The following FRMD5 variants were observed in gnomAD, a reference collection of about 807,000 sequenced individuals.
FRMD5 encodes the protein FERM domain-containing protein 5.
A neutral mutation model predicts 69.0 loss-of-function variants in FRMD5; 20 were observed. That is an observed-to-expected ratio of 0.29 (90% CI 0.20 to 0.42). The LOEUF is 0.42. Among genes scored for constraint, FRMD5 ranks in the 10% least tolerant of loss-of-function variants. FRMD5 has a pLI of 1.00. For missense variants in FRMD5, 595 were observed against 708.6 expected, an observed-to-expected ratio of 0.84 and a Z score of 1.82; for synonymous variants, 271 against 260.1, an observed-to-expected ratio of 1.04 and a Z score of -0.40.
chr15:43,981,692 T>A (rs939209614), intron 1 of FRMD5, among the ~76,000 whole-genome samples: 17 of 152,372 alleles, frequency 1.1e-4, no homozygotes, highest in African/African-American at 3.8e-4. Flanking sequence ...CATTCTTGAA[T>A]AATTAGAAAC....
intron 1 of FRMD5, among the ~76,000 whole-genome samples, chr15:44,088,832 A>G (rs191932257): frequency 6.6e-4 from 101 of 152,338 alleles, no homozygotes; most frequent in African/African-American, 2.4e-3. Flanking sequence ...CCAAAGGCAC[A>G]CAGCCAGTGA....
intron 1 of FRMD5, among the ~76,000 whole-genome samples, chr15:44,070,395 G>T (rs1893491849): frequency 6.6e-6 from 1 of 150,826 alleles, no homozygotes; most frequent in Non-Finnish European, 1.5e-5. Context: ...GTTCCAGAAT[G>T]CTTGAACAAA....
intron 1 of FRMD5, among the ~76,000 whole-genome samples, chr15:44,092,447 G>A (rs893435251): frequency 5.9e-5 from 9 of 152,176 alleles, no homozygotes; most frequent in Non-Finnish European, 1.3e-4. Context: ...CTCTATGCCA[G>A]ACACTGTGCT....
chr15:44,124,285 G>A (rs2076995362), intron 1 of FRMD5, among the ~76,000 whole-genome samples: 1 of 151,632 alleles, frequency 6.6e-6, no homozygotes, highest in Admixed American at 6.6e-5. Flanking sequence ...GAGCCACCGT[G>A]CCCATATCTT....
chr15:44,063,697 G>A (rs978243293), intron 1 of FRMD5: 2 of 352,166 alleles, frequency 5.7e-6, no homozygotes, highest in Non-Finnish European at 1.1e-5. Flanking sequence ...CATCAAGCCT[G>A]AGAATGGGAA....
chr15:44,089,278 T>C (rs753047371), intron 1 of FRMD5, among the ~76,000 whole-genome samples: 7 of 152,152 alleles, frequency 4.6e-5, no homozygotes, highest in Non-Finnish European at 8.8e-5. Flanking sequence ...TTTTTATATA[T>C]AGAACAAGAA....
chr15:43,898,406 A>G (rs1260527672), intron 7 of FRMD5, among the ~76,000 whole-genome samples: 1 of 152,250 alleles, frequency 6.6e-6, no homozygotes, highest in Non-Finnish European at 1.5e-5. Context: ...AAGGACAAGA[A>G]TATCTTCTTA....
chr15:43,944,139 A>T (rs577894741), intron 1 of FRMD5, among the ~76,000 whole-genome samples: 4 of 152,342 alleles, frequency 2.6e-5, no homozygotes, highest in African/African-American at 9.6e-5. Flanking sequence ...TTTATTTCTT[A>T]CAATTATGGA....
In FRMD5 at chr15:44,167,785, T is replaced by G. The variant is rs139990434; in HGVS notation, c.102+27168A>C. On this transcript the variant is annotated intron_variant, in intron 1 of 13. Transcript: ENST00000417257. ...TTGTATTTTTTAGTAGGGACGGGGTTTCGCTATGTTGGCCAGGCTGATCTC... is the reference window on the plus strand; with the variant it reads ...TTGTATTTTTTAGTAGGGACGGGGTGTCGCTATGTTGGCCAGGCTGATCTC... 3.9e-3 allele frequency among the ~76,000 whole-genome samples: 601 copies of G among 152,250 alleles called. 5 individuals are homozygous for G. Among genetic ancestry groups the G allele is most frequent in the African/African-American group, 0.014 (562 of 41,562 alleles).
intron 5 of FRMD5, among the ~76,000 whole-genome samples, chr15:43,906,453 C>A (rs933086069): frequency 1.3e-5 from 2 of 152,116 alleles, no homozygotes; most frequent in African/African-American, 4.8e-5. Flanking sequence ...AGAACTCAAC[C>A]CTCAGTTCAA....
upstream of FRMD5, chr15:44,195,307 C>A (rs557024482): frequency 2.6e-4 from 132 of 499,974 alleles, 2 homozygotes; most frequent in South Asian, 3.2e-3. Flanking sequence ...GCCCAGCTCG[C>A]GGGGCGGGGC....
intron 1 of FRMD5, among the ~76,000 whole-genome samples, chr15:44,045,556 C>T (rs568513102): frequency 4.7e-4 from 71 of 152,146 alleles, no homozygotes; most frequent in Middle Eastern, 6.8e-3. Context: ...CTTGTATATG[C>T]ACGTATAAAT....
At chr15:44,058,643 A>G (rs934456155) in intron 1 of FRMD5, among the ~76,000 whole-genome samples, 5 of 151,968 alleles carry the variant, frequency 3.3e-5, no homozygotes, top group Non-Finnish European at 5.9e-5. Flanking sequence ...AAAATTAGCC[A>G]GGCGTGGTGG....
intron 1 of FRMD5, among the ~76,000 whole-genome samples, chr15:44,105,452 G>A (rs1175780614): frequency 1.3e-5 from 2 of 152,178 alleles, no homozygotes; most frequent in Non-Finnish European, 2.9e-5. Context: ...CCTAGAAGCA[G>A]AGTGACCAAG....
At position 43,968,212 on chromosome 15, in the gene FRMD5, C is replaced by T. The variant is rs372746253; in HGVS notation, c.103-43903G>A. ...ATCTTTATCTCATCTGTACCCCAAC[C>T]GCCCCCAATTACTTGACGCAAATCC... On this transcript the variant is annotated intron_variant, in intron 1 of 13. Transcript: ENST00000417257. 1.5e-4 allele frequency among the ~76,000 whole-genome samples: 23 copies of T among 152,092 alleles called. No individual in the cohort carries two copies. The East Asian group carries it at 1.7e-3, about 11-fold the overall frequency.
intron 1 of FRMD5, among the ~76,000 whole-genome samples, chr15:44,097,037 G>A (rs189056257): frequency 1.2e-4 from 18 of 152,262 alleles, no homozygotes; most frequent in African/African-American, 4.1e-4. Context: ...TGGATGTCTC[G>A]AAGAGTTTAT....
chr15:44,084,924 A>G (rs961866803), intron 1 of FRMD5, among the ~76,000 whole-genome samples: 1 of 152,124 alleles, frequency 6.6e-6, no homozygotes. Flanking sequence ...TGACTTTGAT[A>G]TACAATCTGG....
At chr15:43,903,221 T>G (rs1341886734) in intron 6 of FRMD5, among the ~76,000 whole-genome samples, 1 of 152,222 alleles carries the variant, frequency 6.6e-6, no homozygotes, top group Non-Finnish European at 1.5e-5. Flanking sequence ...GATACAGGTT[T>G]GGCTTCAGTG....
chr15:44,104,850 C>G (rs1460568926), intron 1 of FRMD5, among the ~76,000 whole-genome samples: 1 of 152,046 alleles, frequency 6.6e-6, no homozygotes, highest in East Asian at 1.9e-4. Flanking sequence ...GTAGTCTTCT[C>G]GATTGGTTTC....
Sources: gnomAD v4.1 joint callset for allele counts (sites outside exome capture counted in the v4.1 genomes callset) on GRCh38, gnomAD v4.1.1 for gene constraint, MANE v1.5 for transcripts, NCBI Gene and HGNC (gene_info 2026-07-23, HGNC 2026-07-21) for gene names.